SLC45A4: variants seen among roughly 807,000 people sequenced by gnomAD.
SLC45A4 encodes polyamine-transporter SLC45A4.
SLC45A4 carries 32 observed loss-of-function variants against 63.7 expected under a neutral mutation model. The observed-to-expected ratio is 0.50, with a 90% CI of 0.38 to 0.67. The LOEUF is 0.67. Ranked by LOEUF, SLC45A4 falls within the 30% of genes least tolerant of loss-of-function variation. The pLI is 0.00. For missense variants in SLC45A4, 1,027 were observed against 1,157.7 expected (o/e 0.89, Z 1.64); for synonymous variants, 535 against 510.0 (o/e 1.05, Z -0.66).
intron 1 of SLC45A4, among the ~76,000 whole-genome samples, chr8:141,257,282 C>T (rs1022649885): frequency 2.6e-5 from 4 of 152,308 alleles, no homozygotes; most frequent in Non-Finnish European, 4.4e-5. Flanking sequence ...GAAAATTTCA[C>T]GATTTTCCCT....
chr8:141,265,953 T>A (rs2154614850), intron 1 of SLC45A4, among the ~76,000 whole-genome samples: 1 of 152,334 alleles, frequency 6.6e-6, no homozygotes, highest in South Asian at 2.1e-4. Context: ...ATTGTCCTGT[T>A]TCTAATTTAA....
intron 1 of SLC45A4, among the ~76,000 whole-genome samples, chr8:141,270,886 C>T (rs932254847): frequency 2.6e-5 from 4 of 152,292 alleles, no homozygotes; most frequent in Non-Finnish European, 4.4e-5. Flanking sequence ...TAGTCAGTCA[C>T]GTGCTTGTGT....
chr8:141,294,322 C>T (rs11167044), intron 1 of SLC45A4, among the ~76,000 whole-genome samples: 128,738 of 152,258 alleles, frequency 0.85, 55,353 homozygotes, highest in East Asian at 0.94. Context: ...CAAGCCGCAT[C>T]GGGAGGGACC....
chr8:141,270,234 C>T (rs1320456427), intron 1 of SLC45A4, among the ~76,000 whole-genome samples: 2 of 151,982 alleles, frequency 1.3e-5, no homozygotes, highest in Non-Finnish European at 2.9e-5. Context: ...ATTACTCCAT[C>T]AATAAAGAAA....
At position 141,256,616 on chromosome 8, in the gene SLC45A4, TCTTTCA is replaced by T. The variant is rs1223087118; in HGVS notation, c.-400-1993_-400-1988del. 2.2e-6 allele frequency: 1 copy of T among 456,264 alleles called. No individual in the cohort carries two copies. The highest frequency in any genetic ancestry group is 4.4e-6 in the Non-Finnish European group (1 of 226,958). The allele number at this position is 456,264 out of a possible 1,614,324, so 28.3% of individuals were successfully genotyped here. ...TACGTCCCAGCTCTTCCCTACATCT[TCTTTCA>T]CGCTGCAGCGGAAACCAGAATGCCT... On this transcript the variant is annotated intron_variant, in intron 1 of 8. Transcript: ENST00000517878. This position sits in a 1 kb window ranked among gnomAD's most constrained non-coding sequence, Gnocchi z 4.3.
intron 2 of SLC45A4, among the ~76,000 whole-genome samples, chr8:141,242,898 C>T (rs73713394): frequency 0.017 from 2,523 of 152,278 alleles, 41 homozygotes; most frequent in African/African-American, 0.04. Flanking sequence ...TGGTAGGAGG[C>T]TATAGAATCT....
intron 1 of SLC45A4, among the ~76,000 whole-genome samples, chr8:141,300,915 G>C (rs895941178): frequency 6.6e-6 from 1 of 152,212 alleles, no homozygotes; most frequent in Non-Finnish European, 1.5e-5. Flanking sequence ...GTGACTCGAC[G>C]AAGTGGCGTG....
intron 1 of SLC45A4, among the ~76,000 whole-genome samples, chr8:141,269,756 T>A (rs773495314): frequency 2.6e-5 from 4 of 152,140 alleles, no homozygotes; most frequent in African/African-American, 4.8e-5. Context: ...TGTATGTCTG[T>A]GTCTATCTCT....
rs1330097611 is a variant in SLC45A4, at chr8:141,218,285, G to A, written c.1355C>T (p.Ser452Leu). ...RANAVVLIKP[S>L]RSMSDLYDMQ... ...GTCGTACAGGTCGCTCATGCTGCGCGACGGCTTGATCAGCACCACGGCGTT... is the reference window on the plus strand; with the variant it reads ...GTCGTACAGGTCGCTCATGCTGCGCAACGGCTTGATCAGCACCACGGCGTT... Residue 452 changes from serine (S) to leucine (L), a missense_variant, in exon 5 of 9, where the codon TCG (serine) becomes TTG (leucine). Coordinates refer to ENST00000517878, the MANE Select transcript of SLC45A4 (RefSeq NM_001286646.2). The A allele has an allele frequency of 3.7e-6, 6 of 1,604,848 alleles. No individual in the cohort carries two copies. Among genetic ancestry groups the A allele is most frequent in the Non-Finnish European group, 5.1e-6 (6 of 1,179,818 alleles).
chr8:141,269,059 G>A (rs983050970), intron 1 of SLC45A4, among the ~76,000 whole-genome samples: 10 of 152,222 alleles, frequency 6.6e-5, no homozygotes, highest in East Asian at 3.9e-4. Flanking sequence ...CAGACCCACT[G>A]GATCAGAGAC....
At chr8:141,286,009 G>A (rs981946992) in intron 1 of SLC45A4, among the ~76,000 whole-genome samples, 1 of 152,196 alleles carries the variant, frequency 6.6e-6, no homozygotes, top group African/African-American at 2.4e-5. Flanking sequence ...GACGTGAGCG[G>A]CACCTCGTGG....
intron 1 of SLC45A4, among the ~76,000 whole-genome samples, chr8:141,305,601 G>A (rs910888794): frequency 6.6e-6 from 1 of 152,174 alleles, no homozygotes; most frequent in Non-Finnish European, 1.5e-5. Flanking sequence ...CTGGCAATTT[G>A]GGGTTGTCTG....
intron 2 of SLC45A4, chr8:141,226,273 G>A (rs2154614166): frequency 6.6e-6 from 1 of 152,436 alleles, no homozygotes; most frequent in East Asian, 1.9e-4. Context: ...GGGGATCAGT[G>A]GAGACACAGA....
Position 141,218,247 on chromosome 8 carries a change from GCCGCTT to G in SLC45A4, c.1387_1392del (p.Lys463_Arg464del), listed in dbSNP as rs1826307586. On this transcript the variant is annotated inframe_deletion, in exon 5 of 9. Coordinates refer to ENST00000517878, the MANE Select transcript of SLC45A4 (RefSeq NM_001286646.2). The stretch of plus-strand genomic sequence containing the variant: ...TGGTTCCGGTGCCGGTGCTGCCGCT[GCCGCTT>G]CTGCATGTCGTACAGGTCGCTCATG... 10 of 1,602,088 alleles carry G rather than the reference GCCGCTT, an allele frequency of 6.2e-6. No individual in the cohort carries two copies. Among genetic ancestry groups the G allele is most frequent in the Non-Finnish European group, 7.6e-6 (9 of 1,179,664 alleles).
intron 1 of SLC45A4, among the ~76,000 whole-genome samples, chr8:141,304,730 A>G (rs1331909576): frequency 6.6e-6 from 1 of 152,006 alleles, no homozygotes; most frequent in Non-Finnish European, 1.5e-5. Flanking sequence ...GACCCCTACC[A>G]AGTGTCCCGT....
chr8:141,239,162 G>A (rs995778487), intron 2 of SLC45A4, among the ~76,000 whole-genome samples: 1 of 152,186 alleles, frequency 6.6e-6, no homozygotes, highest in South Asian at 2.1e-4. Context: ...CCACGTGACT[G>A]CGGCAAACAT....
chr8:141,249,521 T>C (rs567787515), intron 2 of SLC45A4, among the ~76,000 whole-genome samples: 1 of 152,216 alleles, frequency 6.6e-6, no homozygotes, highest in African/African-American at 2.4e-5. Flanking sequence ...GGCAGCACCA[T>C]GACAACAGAG....
At position 141,254,849 on chromosome 8, in the gene SLC45A4, A is replaced by G. The variant is rs755868020; in HGVS notation, c.-400-220T>C. On this transcript the variant is annotated intron_variant, in intron 1 of 8. Coordinates refer to ENST00000517878, the MANE Select transcript of SLC45A4 (RefSeq NM_001286646.2). This position sits in a 1 kb window ranked among gnomAD's most constrained non-coding sequence, Gnocchi z 4.5. ...CGAAAGTGAATCCTGGGGAAGGACAAAGGTGGGGCAATCAAGGAAAGCAGG... is the reference window on the plus strand; with the variant it reads ...CGAAAGTGAATCCTGGGGAAGGACAGAGGTGGGGCAATCAAGGAAAGCAGG... 4 of 447,732 alleles carry G rather than the reference A, an allele frequency of 8.9e-6. No homozygotes were observed. The highest frequency in any genetic ancestry group is 1.7e-5 in the Non-Finnish European group (4 of 233,334). The allele number at this position is 447,732 out of a possible 1,614,324, so 27.7% of individuals were successfully genotyped here. A position where few individuals can be genotyped will look rare whatever the true frequency, so the allele number is the denominator to read the frequency against.
At chr8:141,212,117 C>G (rs540353168) in intron 8 of SLC45A4, 80 bp downstream of exon 8, 55 of 1,435,824 alleles carry the variant, frequency 3.8e-5, no homozygotes, top group Non-Finnish European at 5.0e-5. Flanking sequence ...TCTCTGCTCC[C>G]GCCCATGGCC....
Sources: allele counts gnomAD v4.1 joint callset (sites outside exome capture counted in the v4.1 genomes callset), GRCh38; gene constraint gnomAD v4.1.1; non-coding constraint Gnocchi (gnomAD v3.1); transcripts MANE v1.5; gene names NCBI Gene and HGNC (gene_info 2026-07-23, HGNC 2026-07-21).